DLGAP2: variants seen among roughly 807,000 people sequenced by gnomAD.
DLGAP2 encodes DLG associated protein 2, also known as disks large-associated protein 2.
A neutral mutation model predicts 100.3 loss-of-function variants in DLGAP2; 26 were observed. That is an observed-to-expected ratio of 0.26 (90% CI 0.19 to 0.36). DLGAP2 has a LOEUF of 0.36. Ranked by LOEUF, DLGAP2 falls within the 10% of genes least tolerant of loss-of-function variation. The pLI is 1.00. For missense variants in DLGAP2, 1,858 were observed against 1,453.2 expected, an observed-to-expected ratio of 1.28 and a Z score of -4.53; for synonymous variants, 886 against 630.1, an observed-to-expected ratio of 1.41 and a Z score of -6.08.
At chr8:831,135 T>C (rs1195970683) in intron 1 of DLGAP2, among the ~76,000 whole-genome samples, 2 of 151,612 alleles carry the variant, frequency 1.3e-5, no homozygotes, top group Non-Finnish European at 2.9e-5. Flanking sequence ...TGACATCAGG[T>C]GATCTGCTGG....
chr8:1,496,309 G>A (rs1451323508), intron 3 of DLGAP2, among the ~76,000 whole-genome samples: 1 of 152,048 alleles, frequency 6.6e-6, no homozygotes, highest in Non-Finnish European at 1.5e-5. Context: ...GCCTCGTGGG[G>A]GCGCCGAGAG....
chr8:1,601,943 AGG>A (rs889842338), intron 6 of DLGAP2, among the ~76,000 whole-genome samples: 5 of 54,356 alleles, frequency 9.2e-5, no homozygotes, highest in African/African-American at 3.4e-4. Context: ...TTAATTTAAC[AGG>A]GTGTGTGTGT....
chr8:1,438,372 C>A (rs1584903942), intron 3 of DLGAP2, among the ~76,000 whole-genome samples: 1 of 152,120 alleles, frequency 6.6e-6, no homozygotes, highest in African/African-American at 2.4e-5. Flanking sequence ...TAAATCTCAT[C>A]AGATTCGCTG....
chr8:1,027,168 C>G (rs1192009658), intron 2 of DLGAP2, among the ~76,000 whole-genome samples: 1 of 152,096 alleles, frequency 6.6e-6, no homozygotes, highest in Non-Finnish European at 1.5e-5. Context: ...GGAAGAAGTT[C>G]ATTATATTTC....
intron 1 of DLGAP2, among the ~76,000 whole-genome samples, chr8:815,224 C>T (rs1796454485): frequency 6.6e-6 from 1 of 152,180 alleles, no homozygotes; most frequent in Admixed American, 6.5e-5. Context: ...GGCTTGGGGT[C>T]TGGTGAGGGC....
At chr8:1,699,105 C>G (rs1346638604) in intron 14 of DLGAP2, among the ~76,000 whole-genome samples, 1 of 152,238 alleles carries the variant, frequency 6.6e-6, no homozygotes, top group Non-Finnish European at 1.5e-5. Context: ...ACGGAACGTA[C>G]TGAAGTTAGC....
At chr8:1,214,196 C>G (rs2116794855) in intron 2 of DLGAP2, among the ~76,000 whole-genome samples, 1 of 152,298 alleles carries the variant, frequency 6.6e-6, no homozygotes, top group East Asian at 1.9e-4. Flanking sequence ...CAGCAGGTGT[C>G]TTTTATTCTT....
chr8:836,327 T>G (rs187717816), intron 1 of DLGAP2, among the ~76,000 whole-genome samples: 1 of 152,144 alleles, frequency 6.6e-6, no homozygotes, highest in South Asian at 2.1e-4. Flanking sequence ...TGAGAAGATA[T>G]CGGCTTGGTC....
rs4316177 is a variant in DLGAP2 at position 1,651,769 on chromosome 8, C to G, written c.1811-16560C>G. Among the ~76,000 whole-genome samples, 528 of 152,098 alleles carry G rather than the reference C, an allele frequency of 3.5e-3. 2 individuals are homozygous for G. The highest frequency in any genetic ancestry group is 0.011 in the African/African-American group (460 of 41,502). ...GCCAGGCAGCAAAAATCCTTCTGAT[C>G]GTATTTTCCATCTGGGTATGTGCTC... On this transcript the variant is annotated intron_variant, in intron 8 of 14. Transcript: ENST00000637795.
At chr8:1,214,943 CA>C (rs1380726034) in intron 2 of DLGAP2, among the ~76,000 whole-genome samples, 1 of 152,212 alleles carries the variant, frequency 6.6e-6, no homozygotes, top group African/African-American at 2.4e-5. Context: ...CACACTAGAA[CA>C]TGCGTTTAAA....
At chr8:1,160,984 T>G (rs1476890526) in intron 2 of DLGAP2, among the ~76,000 whole-genome samples, 3 of 152,244 alleles carry the variant, frequency 2.0e-5, no homozygotes, top group African/African-American at 7.2e-5. Flanking sequence ...TGTTGGTGAA[T>G]GTATTTCATA....
chr8:943,669 C>T (rs1004502282), intron 2 of DLGAP2, among the ~76,000 whole-genome samples: 3 of 150,830 alleles, frequency 2.0e-5, no homozygotes, highest in African/African-American at 7.3e-5. Context: ...CGGCAAGAAC[C>T]ACTGTGTACA....
intron 2 of DLGAP2, among the ~76,000 whole-genome samples, chr8:980,449 G>C (rs1245361583): frequency 2.6e-5 from 4 of 152,210 alleles, no homozygotes; most frequent in African/African-American, 9.6e-5. Flanking sequence ...AGCCACAATT[G>C]AGCCAAGTTT....
chr8:1,507,803 T>TCCCCCCACCCACCA (rs113492143), intron 4 of DLGAP2, among the ~76,000 whole-genome samples: 5 of 47,872 alleles, frequency 1.0e-4, no homozygotes, highest in African/African-American at 3.2e-4. Context: ...CCCACCACCC[T>TCCCCCCACCCACCA]CCCTCCACCC....
At chr8:1,606,790 C>A (rs1004293261) in intron 6 of DLGAP2, among the ~76,000 whole-genome samples, 1 of 152,164 alleles carries the variant, frequency 6.6e-6, no homozygotes, top group African/African-American at 2.4e-5. Flanking sequence ...TCAAGGAATC[C>A]TCCCTCCTCA....
chr8:1,679,380 G>C (rs1217185100), intron 12 of DLGAP2, among the ~76,000 whole-genome samples: 3 of 81,000 alleles, frequency 3.7e-5, no homozygotes. Context: ...ATTCCTCTAC[G>C]GGAGTCACCA....
intron 3 of DLGAP2, among the ~76,000 whole-genome samples, chr8:1,437,827 A>AAAAG (rs1427132908): frequency 3.3e-4 from 49 of 149,994 alleles, no homozygotes; most frequent in Middle Eastern, 3.4e-3. Context: ...AAAAAAAAAA[A>AAAAG]AAAAAAAAAT....
At chr8:973,052 A>C (rs942762751) in intron 2 of DLGAP2, among the ~76,000 whole-genome samples, 5 of 152,216 alleles carry the variant, frequency 3.3e-5, no homozygotes, top group Non-Finnish European at 7.3e-5. Context: ...TGATTTCTCT[A>C]TCTTTTCACC....
intron 1 of DLGAP2, among the ~76,000 whole-genome samples, chr8:802,110 A>ATGGCCTGGGGAATGGTCCACACT (rs1796175193): frequency 3.2e-5 from 1 of 31,070 alleles, no homozygotes; most frequent in African/African-American, 8.6e-5. Flanking sequence ...TGGTCCACAC[A>ATGGCCTGGGGAATGGTCCACACT]CCTCCTGGGC....
Sources: gnomAD v4.1 joint callset for allele counts (sites outside exome capture counted in the v4.1 genomes callset) on GRCh38, gnomAD v4.1.1 for gene constraint, MANE v1.5 for transcripts, NCBI Gene and HGNC (gene_info 2026-07-23, HGNC 2026-07-21) for gene names.